LOXL2: variants seen among roughly 807,000 people sequenced by gnomAD.
The protein encoded by LOXL2 is lysyl oxidase like 2.
LOXL2 carries 70 observed loss-of-function variants against 93.0 expected under a neutral mutation model. The observed-to-expected ratio is 0.75, with a 90% confidence interval of 0.62 to 0.92. The LOEUF (loss-of-function observed/expected upper bound fraction) is 0.92. Among genes scored for constraint, LOXL2 ranks in the 40% least tolerant of loss-of-function variants. LOXL2 has a pLI of 0.00. For missense variants in LOXL2, 973 were observed against 1,054.9 expected, an observed-to-expected ratio of 0.92 and a Z score of 1.08; for synonymous variants, 438 against 413.2, an observed-to-expected ratio of 1.06 and a Z score of -0.73.
chr8:23,381,905 G>A (rs576810759), intron 1 of LOXL2, among the ~76,000 whole-genome samples: 2 of 152,240 alleles, frequency 1.3e-5, no homozygotes, highest in Non-Finnish European at 2.9e-5. Context: ...GCCTAACACA[G>A]TGCCTGGTGC....
chr8:23,344,442 GGTCTGTGTGTGGTGTGTATCTCTGT>G (rs1803935387), intron 3 of LOXL2, among the ~76,000 whole-genome samples: 2 of 151,726 alleles, frequency 1.3e-5, no homozygotes, highest in East Asian at 3.9e-4. Context: ...TGTGCTTGAT[GGTCTGTGTGTGGTGTGTATCTCTGT>G]GTCTCTGTGT....
Position 23,296,930 on chromosome 8 carries a change from AGAT to A in LOXL2, c.*1110_*1112del, listed in dbSNP as rs762134180. ...AGTAAAAACCACAGGAGTTCAAGAAAGATTATGACTCCTGTTCCGTTACTTTTT... is the reference window on the plus strand; with the variant it reads ...AGTAAAAACCACAGGAGTTCAAGAAATATGACTCCTGTTCCGTTACTTTTT... On this transcript the variant is annotated 3_prime_UTR_variant, in exon 14 of 14. Coordinates refer to ENST00000389131, the MANE Select transcript of LOXL2 (RefSeq NM_002318.3). 3.3e-5 allele frequency among the ~76,000 whole-genome samples: 5 copies of A among 152,208 alleles called. No homozygotes were observed. The highest frequency in any genetic ancestry group is 5.9e-5 in the Non-Finnish European group (4 of 68,040).
At chr8:23,298,269 C>G (rs1037426163) in intron 13 of LOXL2, 147 bp from the exon 14 acceptor site, 1 of 626,288 alleles carries the variant, frequency 1.6e-6, no homozygotes, top group Non-Finnish European at 2.9e-6. Flanking sequence ...CACTGGCCAT[C>G]TCTAGGGCTG....
At chr8:23,320,751 A>G (rs1003696381) in intron 7 of LOXL2, among the ~76,000 whole-genome samples, 7 of 152,132 alleles carry the variant, frequency 4.6e-5, no homozygotes, top group African/African-American at 1.7e-4. Context: ...CTACAAAAAA[A>G]TAAGTTTAAA....
At chr8:23,347,325 C>A (rs1423219899) in intron 3 of LOXL2, among the ~76,000 whole-genome samples, 6 of 151,816 alleles carry the variant, frequency 4.0e-5, no homozygotes, top group Non-Finnish European at 7.4e-5. Flanking sequence ...CCACTACACT[C>A]CAGCTGAGGT....
intron 1 of LOXL2, among the ~76,000 whole-genome samples, chr8:23,380,643 T>TTTG (rs1322250378): frequency 1.3e-5 from 2 of 152,154 alleles, no homozygotes; most frequent in South Asian, 2.1e-4. Flanking sequence ...AAAGTTTTTT[T>TTTG]TTGTTGTTGT....
At position 23,298,061 on chromosome 8, in the gene LOXL2, GTTGT is replaced by G; in HGVS notation, c.2303_2306del (p.Asn768ThrfsTer76). 1 of 1,613,860 alleles carries G rather than the reference GTTGT, an allele frequency of 6.2e-7. No homozygotes were observed. The highest frequency in any genetic ancestry group is 8.5e-7 in the Non-Finnish European group (1 of 1,179,976). On this transcript the variant is annotated frameshift_variant, in exon 14 of 14. Transcript: ENST00000389131. LOFTEE classifies it high-confidence loss of function. ...GGCTTCTTTACTGCGGGGACAGCTG[GTTGT>G]TTAAGAGCCCGCTGAAGTGCTCAAA...
chr8:23,345,940 C>T (rs6988330), intron 3 of LOXL2, among the ~76,000 whole-genome samples: 61,169 of 150,934 alleles, frequency 0.41, 13,179 homozygotes, highest in African/African-American at 0.57. Flanking sequence ...TGGTGGCGGG[C>T]GCCTGTAGTC....
At chr8:23,397,792 A>T in intron 1 of LOXL2, among the ~76,000 whole-genome samples, 1 of 150,736 alleles carries the variant, frequency 6.6e-6, no homozygotes. Context: ...AAAAAAAAAA[A>T]AAAAGAAAGA....
chr8:23,403,337 C>G (rs554632571), intron 1 of LOXL2, among the ~76,000 whole-genome samples: 1 of 152,302 alleles, frequency 6.6e-6, no homozygotes, highest in South Asian at 2.1e-4. Context: ...CCTGGCGTGC[C>G]GAGAGCGCCT....
intron 3 of LOXL2, among the ~76,000 whole-genome samples, chr8:23,353,126 C>T (rs1804124494): frequency 6.6e-6 from 1 of 152,200 alleles, no homozygotes; most frequent in Non-Finnish European, 1.5e-5. Context: ...CCTGTGAGCA[C>T]ATGACTGGGC....
At chr8:23,308,492 C>A (rs1803268230) in intron 10 of LOXL2, among the ~76,000 whole-genome samples, 2 of 152,214 alleles carry the variant, frequency 1.3e-5, no homozygotes, top group South Asian at 2.1e-4. Flanking sequence ...CCCTCGGGGG[C>A]TTCCTGCTTT....
chr8:23,315,869 C>T (rs893688423), intron 9 of LOXL2, among the ~76,000 whole-genome samples: 1 of 152,082 alleles, frequency 6.6e-6, no homozygotes, highest in Non-Finnish European at 1.5e-5. Flanking sequence ...TCATTTCCTT[C>T]TGGAAAAGAT....
At chr8:23,349,554 C>A (rs1804055944) in intron 3 of LOXL2, among the ~76,000 whole-genome samples, 1 of 152,042 alleles carries the variant, frequency 6.6e-6, no homozygotes, top group Non-Finnish European at 1.5e-5. Flanking sequence ...AAGCCCCCTC[C>A]CCTGCCCCCA....
At chr8:23,378,328 TC>T (rs1273673149) in intron 1 of LOXL2, among the ~76,000 whole-genome samples, 2 of 152,236 alleles carry the variant, frequency 1.3e-5, no homozygotes, top group Non-Finnish European at 2.9e-5. Context: ...CTGATGGGTT[TC>T]CTTTTGTGGG....
chr8:23,330,157 C>G (rs1430933848), intron 5 of LOXL2, among the ~76,000 whole-genome samples: 3 of 151,938 alleles, frequency 2.0e-5, no homozygotes, highest in Non-Finnish European at 4.4e-5. Flanking sequence ...AACCCCGTCT[C>G]TACTAAAAAA....
intron 4 of LOXL2, among the ~76,000 whole-genome samples, chr8:23,338,883 G>A (rs975050224): frequency 6.6e-6 from 1 of 152,290 alleles, no homozygotes; most frequent in African/African-American, 2.4e-5. Context: ...CCAGCAGGTG[G>A]AGACTGCTGG....
chr8:23,316,735 T>TC, intron 9 of LOXL2: 1 of 539,320 alleles, frequency 1.9e-6, no homozygotes, highest in Non-Finnish European at 3.2e-6. Flanking sequence ...CTGCAGCCCC[T>TC]CCCTCCCGCT....
chr8:23,376,591 C>G (rs11992974), intron 1 of LOXL2, among the ~76,000 whole-genome samples: 13,452 of 152,042 alleles, frequency 0.088, 842 homozygotes, highest in African/African-American at 0.18. Context: ...GGTTGGTAGG[C>G]TATTAATTAT....
Sources: gnomAD v4.1 joint callset for allele counts (sites outside exome capture counted in the v4.1 genomes callset) on GRCh38, gnomAD v4.1.1 for gene constraint, MANE v1.5 for transcripts, NCBI Gene and HGNC (gene_info 2026-07-23, HGNC 2026-07-21) for gene names.